The following SOX6 variants were observed in gnomAD, a reference collection of about 807,000 sequenced individuals.
SOX6 encodes the protein SRY-box transcription factor 6.
A neutral mutation model predicts 97.8 loss-of-function variants in SOX6; 11 were observed. The observed-to-expected ratio is 0.11, with a 90% CI of 0.07 to 0.19. The LOEUF (loss-of-function observed/expected upper bound fraction) is 0.19, where lower values mean the gene tolerates loss of function less well. SOX6 is among the 10% of genes least tolerant of loss of function. The probability of loss-of-function intolerance (pLI) is 1.00; values close to 1 mark genes in which losing one functional copy is unlikely to be tolerated. For missense variants in SOX6, 810 were observed against 1,039.5 expected (o/e 0.78, Z 3.04); for synonymous variants, 360 against 371.4 (o/e 0.97, Z 0.35).
At chr11:16,224,511 T>C (rs1459474356) in intron 4 of SOX6, among the ~76,000 whole-genome samples, 1 of 152,074 alleles carries the variant, frequency 6.6e-6, no homozygotes, top group Non-Finnish European at 1.5e-5. Context: ...TAAGAAGACC[T>C]TGTGTCTCTA....
intron 6 of SOX6, among the ~76,000 whole-genome samples, chr11:16,163,771 T>G (rs751756321): frequency 6.6e-6 from 1 of 152,354 alleles, no homozygotes; most frequent in Middle Eastern, 3.4e-3. Context: ...CCAAGCAAGA[T>G]AGCAACCTGC....
At chr11:16,516,032 C>A (rs561122119) in intron 4 of SOX6, among the ~76,000 whole-genome samples, 4 of 151,854 alleles carry the variant, frequency 2.6e-5, no homozygotes, top group African/African-American at 4.8e-5. Flanking sequence ...GCAATGCGGG[C>A]TCTTTTTTGG....
At chr11:16,243,178 A>G (rs556624429) in intron 3 of SOX6, among the ~76,000 whole-genome samples, 2 of 152,050 alleles carry the variant, frequency 1.3e-5, no homozygotes, top group Non-Finnish European at 2.9e-5. Context: ...TGCTGAGCAC[A>G]TATCTGTCAG....
At chr11:16,031,556 G>A (rs1357885936) in intron 12 of SOX6, 1 of 152,112 alleles carries the variant, frequency 6.6e-6, no homozygotes, top group East Asian at 1.9e-4. Context: ...AGGGTAGGTA[G>A]GTATGCAGGT....
intron 1 of SOX6, among the ~76,000 whole-genome samples, chr11:16,412,873 T>A (rs1858849862): frequency 6.6e-6 from 1 of 152,188 alleles, no homozygotes; most frequent in Non-Finnish European, 1.5e-5. Context: ...TGAGTCTCAC[T>A]GGCCTGGCTT....
intron 3 of SOX6, among the ~76,000 whole-genome samples, chr11:16,257,166 A>G (rs942904393): frequency 6.6e-6 from 1 of 151,892 alleles, no homozygotes; most frequent in Admixed American, 6.6e-5. Context: ...TGCAATCCCA[A>G]TCAAAATTGC....
At chr11:16,439,310 T>C (rs1859452552) in intron 1 of SOX6, among the ~76,000 whole-genome samples, 1 of 152,228 alleles carries the variant, frequency 6.6e-6, no homozygotes, top group Non-Finnish European at 1.5e-5. Context: ...ATTTCTTTTA[T>C]TTAATTGTAT....
intron 1 of SOX6, among the ~76,000 whole-genome samples, chr11:16,351,447 A>G (rs757281164): frequency 7.8e-4 from 118 of 151,980 alleles, no homozygotes; most frequent in Non-Finnish European, 1.4e-3. Context: ...TACTTTCTCT[A>G]TTTTAGTATC....
chr11:16,194,854 T>C (rs1220562737), intron 4 of SOX6, among the ~76,000 whole-genome samples: 2 of 152,216 alleles, frequency 1.3e-5, no homozygotes, highest in African/African-American at 2.4e-5. Flanking sequence ...CCCATCCTTT[T>C]TGGATCTGGA....
In SOX6 at chr11:16,308,148, G is replaced by A. The variant is rs138837871; in HGVS notation, c.445+10298C>T. Among the ~76,000 whole-genome samples the A allele has an allele frequency of 8.3e-4, 126 of 152,310 alleles. 1 individual carries two copies. In the East Asian group the frequency reaches 0.016, roughly 19 times the overall value. On this transcript the variant is annotated intron_variant, in intron 3 of 15. Transcript: ENST00000683767. ...CAGTTTCAGATATCAAAATTGGATAGAAGCTTTTATCTCTATCTTTGTAAA... is the reference window on the plus strand; with the variant it reads ...CAGTTTCAGATATCAAAATTGGATAAAAGCTTTTATCTCTATCTTTGTAAA...
chr11:16,076,866 G>C (rs1029259436), intron 9 of SOX6, among the ~76,000 whole-genome samples: 1 of 147,692 alleles, frequency 6.8e-6, no homozygotes, highest in Non-Finnish European at 1.5e-5. Context: ...CCATTCTCCT[G>C]CCTCAGCCTC....
At chr11:16,049,512 T>C (rs937171155) in intron 11 of SOX6, among the ~76,000 whole-genome samples, 2 of 152,196 alleles carry the variant, frequency 1.3e-5, no homozygotes, top group African/African-American at 4.8e-5. Flanking sequence ...CCTAAGTCTA[T>C]GATTTGCTGG....
chr11:16,714,252 A>G (rs1848201669), intron 3 of SOX6, among the ~76,000 whole-genome samples: 2 of 144,044 alleles, frequency 1.4e-5, no homozygotes, highest in African/African-American at 2.5e-5. Context: ...TGTTGTATGG[A>G]AAAAAAAAAT....
At chr11:16,568,060 T>C (rs1331905516) in intron 4 of SOX6, among the ~76,000 whole-genome samples, 2 of 152,130 alleles carry the variant, frequency 1.3e-5, no homozygotes, top group African/African-American at 2.4e-5. Flanking sequence ...ACAGATTTTG[T>C]TCCATGCACA....
intron 3 of SOX6, among the ~76,000 whole-genome samples, chr11:16,623,640 C>T (rs1005316966): frequency 6.6e-6 from 1 of 152,096 alleles, no homozygotes; most frequent in Non-Finnish European, 1.5e-5. Context: ...TTTACATAAA[C>T]CAGTGTCTAG....
chr11:15,974,532 C>T, intron 15 of SOX6, among the ~76,000 whole-genome samples: 2 of 116,162 alleles, frequency 1.7e-5, no homozygotes, highest in Non-Finnish European at 3.4e-5. Flanking sequence ...CAATGCTATC[C>T]CTCCCCCCTC....
At chr11:16,701,972 C>T (rs1325622697) in intron 3 of SOX6, among the ~76,000 whole-genome samples, 30 of 152,040 alleles carry the variant, frequency 2.0e-4, no homozygotes, top group Admixed American at 2.0e-3. Flanking sequence ...TGAAATAACA[C>T]ATTTGGGAAG....
intron 4 of SOX6, among the ~76,000 whole-genome samples, chr11:16,562,607 A>T (rs1847828330): frequency 1.3e-5 from 2 of 152,044 alleles, no homozygotes. Flanking sequence ...GAGGTACCCA[A>T]TACCCACCCC....
chr11:16,419,435 T>C (rs1322643555), intron 1 of SOX6, among the ~76,000 whole-genome samples: 4 of 152,054 alleles, frequency 2.6e-5, no homozygotes, highest in Admixed American at 2.6e-4. Flanking sequence ...TACAATTAAA[T>C]GAAAAGCTTA....
Sources: allele counts gnomAD v4.1 joint callset (sites outside exome capture counted in the v4.1 genomes callset), GRCh38; gene constraint gnomAD v4.1.1; transcripts MANE v1.5; gene names NCBI Gene and HGNC (gene_info 2026-07-23, HGNC 2026-07-21).